The following PSD3 variants were observed in gnomAD, a reference collection of about 807,000 sequenced individuals.
PSD3 encodes PH and SEC7 domain-containing protein 3.
Under a neutral mutation model 105.5 loss-of-function variants are expected in PSD3, and 49 were observed. That is an observed-to-expected ratio of 0.46 (90% CI 0.37 to 0.59). The LOEUF is 0.59. Ranked by LOEUF, PSD3 falls within the 20% of genes least tolerant of loss-of-function variation. The probability of loss-of-function intolerance (pLI) is 0.00; values close to 1 mark genes in which losing one functional copy is unlikely to be tolerated. For missense variants in PSD3, 1,561 were observed against 1,263.8 expected (o/e 1.24, Z -3.57); for synonymous variants, 557 against 457.8 (o/e 1.22, Z -2.77).
intron 1 of PSD3, among the ~76,000 whole-genome samples, chr8:19,055,504 C>T (rs564245511): frequency 1.5e-3 from 232 of 152,296 alleles, no homozygotes; most frequent in African/African-American, 3.8e-3. Flanking sequence ...TCACCCGCCT[C>T]GGCCTCCCAA....
intron 9 of PSD3, among the ~76,000 whole-genome samples, chr8:18,724,384 G>A (rs1803203937): frequency 6.6e-6 from 1 of 152,146 alleles, no homozygotes; most frequent in Non-Finnish European, 1.5e-5. Context: ...GGTCAGGGCA[G>A]GAGCATCTCT....
intron 8 of PSD3, among the ~76,000 whole-genome samples, chr8:18,772,677 T>A (rs903962745): frequency 1.3e-5 from 2 of 151,940 alleles, no homozygotes; most frequent in South Asian, 2.1e-4. Flanking sequence ...CCCGGCTAAT[T>A]TTTTGTATTT....
At chr8:18,914,417 T>C (rs1180533646) in intron 2 of PSD3, among the ~76,000 whole-genome samples, 1 of 151,872 alleles carries the variant, frequency 6.6e-6, no homozygotes, top group Non-Finnish European at 1.5e-5. Context: ...TGAAAAGGAA[T>C]AAGTAAAATG....
chr8:18,771,409 T>C (rs532750571), intron 8 of PSD3, among the ~76,000 whole-genome samples: 1 of 152,328 alleles, frequency 6.6e-6, no homozygotes, highest in Non-Finnish European at 1.5e-5. Context: ...TTGTGTATTT[T>C]ATATCTAAGA....
chr8:18,651,662 G>A (rs1010566804), intron 10 of PSD3, among the ~76,000 whole-genome samples: 2 of 152,172 alleles, frequency 1.3e-5, no homozygotes, highest in Non-Finnish European at 2.9e-5. Flanking sequence ...TGTAGAAACT[G>A]CTGGTGTCAT....
intron 9 of PSD3, among the ~76,000 whole-genome samples, chr8:18,760,774 T>C (rs1806457435): frequency 6.6e-6 from 1 of 152,298 alleles, no homozygotes; most frequent in African/African-American, 2.4e-5. Flanking sequence ...CTGATAAGAC[T>C]GGGTGAAAGA....
intron 8 of PSD3, among the ~76,000 whole-genome samples, chr8:18,769,308 G>T (rs1346151223): frequency 6.6e-6 from 1 of 152,044 alleles, no homozygotes; most frequent in Non-Finnish European, 1.5e-5. Context: ...TATGTGATCT[G>T]CAAAATTCAA....
chr8:18,572,454 C>G, intron 14 of PSD3, 74 bp downstream of exon 14: 1 of 1,544,080 alleles, frequency 6.5e-7, no homozygotes, highest in Non-Finnish European at 8.8e-7. Context: ...GGACTACTAT[C>G]CAAAGACAAA....
At chr8:19,034,570 C>T (rs929030108) in intron 1 of PSD3, among the ~76,000 whole-genome samples, 4 of 152,178 alleles carry the variant, frequency 2.6e-5, no homozygotes, top group Non-Finnish European at 5.9e-5. Flanking sequence ...ATGCATCACT[C>T]GCTAGGTACC....
intron 2 of PSD3, among the ~76,000 whole-genome samples, chr8:18,912,337 G>A (rs1200611666): frequency 2.0e-5 from 3 of 152,106 alleles, no homozygotes; most frequent in Admixed American, 6.6e-5. Flanking sequence ...CAGGAACAGC[G>A]CTTCACAATG....
chr8:18,616,483 C>G (rs1465969135), intron 11 of PSD3, among the ~76,000 whole-genome samples: 6 of 152,152 alleles, frequency 3.9e-5, no homozygotes, highest in Admixed American at 3.3e-4. Flanking sequence ...AACTCAGTGT[C>G]TGACATCTTT....
intron 4 of PSD3, among the ~76,000 whole-genome samples, chr8:18,818,852 T>C (rs151182357): frequency 8.9e-4 from 136 of 152,070 alleles, no homozygotes; most frequent in African/African-American, 3.2e-3. Context: ...TTAGAGTAAA[T>C]TTAAATAGGA....
intron 9 of PSD3, among the ~76,000 whole-genome samples, chr8:18,680,297 G>C (rs1040677853): frequency 6.6e-6 from 1 of 152,006 alleles, no homozygotes; most frequent in Non-Finnish European, 1.5e-5. Context: ...AAACCCCAAG[G>C]GTACCCGAAT....
chr8:18,994,459 C>T (rs945477809), intron 1 of PSD3, among the ~76,000 whole-genome samples: 1 of 151,938 alleles, frequency 6.6e-6, no homozygotes, highest in African/African-American at 2.4e-5. Context: ...GATAAAGAAA[C>T]AAATAAAACT....
chr8:18,571,197 C>A (rs2468976), intron 14 of PSD3, among the ~76,000 whole-genome samples: 146,780 of 152,140 alleles, frequency 0.96, 70,828 homozygotes, highest in Middle Eastern at 0.97. Context: ...GGAACCACAG[C>A]AGCATCCAAA....
chr8:18,845,492 C>G (rs1815009772), intron 4 of PSD3, among the ~76,000 whole-genome samples: 1 of 152,210 alleles, frequency 6.6e-6, no homozygotes, highest in African/African-American at 2.4e-5. Flanking sequence ...ACAGGTGCGT[C>G]CACACTGAGA....
chr8:18,807,085 G>A (rs533862395), intron 4 of PSD3, among the ~76,000 whole-genome samples: 3 of 152,240 alleles, frequency 2.0e-5, no homozygotes, highest in African/African-American at 7.2e-5. Flanking sequence ...CTAAAAAATA[G>A]GTTGTAAACT....
At chr8:18,571,972 A>C (rs978918839) in intron 14 of PSD3, among the ~76,000 whole-genome samples, 2 of 152,112 alleles carry the variant, frequency 1.3e-5, no homozygotes, top group Admixed American at 1.3e-4. Context: ...GATTAATCTG[A>C]CCACAGAAGG....
chr8:18,865,972 C>A (rs1465502132), intron 4 of PSD3, among the ~76,000 whole-genome samples: 1 of 152,192 alleles, frequency 6.6e-6, no homozygotes, highest in African/African-American at 2.4e-5. Flanking sequence ...TTTAATAAAC[C>A]TTTCACCCAG....
Sources: allele counts gnomAD v4.1 joint callset (sites outside exome capture counted in the v4.1 genomes callset), GRCh38; gene constraint gnomAD v4.1.1; transcripts MANE v1.5; gene names NCBI Gene and HGNC (gene_info 2026-07-23, HGNC 2026-07-21).